Variants in NUAK1 observed in about 807,000 individuals in gnomAD.
The protein encoded by NUAK1 is NUAK family kinase 1, also known as NUAK family SNF1-like kinase 1.
NUAK1 carries 26 observed loss-of-function variants against 56.9 expected under a neutral mutation model. That is an observed-to-expected ratio of 0.46 (90% CI 0.33 to 0.63). NUAK1 has a LOEUF of 0.63. NUAK1 is among the 30% of genes least tolerant of loss of function. The probability of loss-of-function intolerance (pLI) is 0.02; values close to 1 mark genes in which losing one functional copy is unlikely to be tolerated. For missense variants in NUAK1, 727 were observed against 876.1 expected (o/e 0.83, Z 2.15); for synonymous variants, 337 against 336.0 (o/e 1.00, Z -0.03).
chr12:106,112,842 C>T (rs7303616), intron 1 of NUAK1, among the ~76,000 whole-genome samples: 37,158 of 152,102 alleles, frequency 0.24, 7,645 homozygotes, highest in African/African-American at 0.57. Context: ...AGTGGCATCC[C>T]CTCACTGGCC....
At chr12:106,136,106 C>T (rs2033127029) in intron 1 of NUAK1, among the ~76,000 whole-genome samples, 1 of 152,132 alleles carries the variant, frequency 6.6e-6, no homozygotes, top group Admixed American at 6.5e-5. Flanking sequence ...AGGTTTTTAC[C>T]CAGGGATCTG....
In NUAK1 at chr12:106,122,719, C is replaced by T. The variant is rs79914671; in HGVS notation, c.240+15695G>A. ...CAAAATAAAGACCATGGACTTCCCC[C>T]ATCACATTCACTTGAGTTGCTTGGT... On this transcript the variant is annotated intron_variant, in intron 1 of 6. Transcript: ENST00000261402. Among the ~76,000 whole-genome samples, 65 of 152,322 alleles carry T rather than the reference C, an allele frequency of 4.3e-4. No individual in the cohort carries two copies. The East Asian group carries it at 8.7e-3, about 20-fold the overall frequency.
At chr12:106,071,014 G>T in intron 5 of NUAK1, 108 bp from the exon 6 acceptor site, 3 of 1,187,452 alleles carry the variant, frequency 2.5e-6, no homozygotes, top group East Asian at 2.5e-5. Context: ...GCAGCCCCAG[G>T]AACTGAATTT....
chr12:106,120,815 C>T (rs1014804645), intron 1 of NUAK1, among the ~76,000 whole-genome samples: 3 of 152,256 alleles, frequency 2.0e-5, no homozygotes, highest in East Asian at 3.9e-4. Flanking sequence ...CCCACAGGGG[C>T]GAGGATGGAG....
intron 2 of NUAK1, among the ~76,000 whole-genome samples, chr12:106,100,883 T>C (rs1410502304): frequency 3.9e-5 from 6 of 152,234 alleles, no homozygotes; most frequent in Admixed American, 6.5e-5. Context: ...CATAAAGATC[T>C]TTGCTAAAGA....
Position 106,064,388 on chromosome 12 carries a change from A to C in NUAK1, c.*2414T>G, listed in dbSNP as rs1331926110. The C allele has an allele frequency of 6.6e-6, 1 of 152,184 alleles. No individual in the cohort carries two copies. The highest frequency in any genetic ancestry group is 1.5e-5 in the Non-Finnish European group (1 of 68,042). The allele number at this position is 152,184 out of a possible 1,614,324, so 9.4% of individuals were successfully genotyped here. A position where few individuals can be genotyped will look rare whatever the true frequency, so the allele number is the denominator to read the frequency against. On this transcript the variant is annotated 3_prime_UTR_variant, in exon 7 of 7. Transcript: ENST00000261402. ...AAGGAAAACTTAACCCCTGCAAACA[A>C]TGCAGATGCCTAAGGCCACCTATGA...
chr12:106,135,503 C>T (rs1261438910), intron 1 of NUAK1, among the ~76,000 whole-genome samples: 1 of 152,176 alleles, frequency 6.6e-6, no homozygotes, highest in Non-Finnish European at 1.5e-5. Context: ...ACCATCACAT[C>T]CTCATTTTTT....
chr12:106,068,067 A>G, intron 6 of NUAK1, 112 bp from the exon 7 acceptor site: 3 of 1,033,482 alleles, frequency 2.9e-6, no homozygotes, highest in South Asian at 1.8e-5. Context: ...GGACAAATCC[A>G]TCTGGAGACC....
intron 2 of NUAK1, among the ~76,000 whole-genome samples, chr12:106,089,635 A>T (rs1431346227): frequency 6.6e-6 from 1 of 152,096 alleles, no homozygotes; most frequent in African/African-American, 2.4e-5. Context: ...CAAAAATATA[A>T]AAAATTAGCC....
chr12:106,075,562 T>C (rs2032455615), intron 4 of NUAK1, among the ~76,000 whole-genome samples: 1 of 152,184 alleles, frequency 6.6e-6, no homozygotes, highest in South Asian at 2.1e-4. Flanking sequence ...ACAACAGTAA[T>C]TGGCCCAGAG....
intron 1 of NUAK1, among the ~76,000 whole-genome samples, chr12:106,132,999 T>C (rs956382674): frequency 6.6e-6 from 1 of 152,192 alleles, no homozygotes; most frequent in East Asian, 1.9e-4. Flanking sequence ...ATCTAGAAAA[T>C]GGGATGATAG....
intron 2 of NUAK1, among the ~76,000 whole-genome samples, chr12:106,095,814 G>A (rs2032691086): frequency 6.6e-6 from 1 of 152,206 alleles, no homozygotes; most frequent in African/African-American, 2.4e-5. Flanking sequence ...AAAAGCTGAG[G>A]TGAAGGCAAG....
chr12:106,119,311 G>C (rs1029434820), intron 1 of NUAK1, among the ~76,000 whole-genome samples: 4 of 150,998 alleles, frequency 2.6e-5, no homozygotes, highest in African/African-American at 9.7e-5. Context: ...CATCCTAACT[G>C]AGTGACCCCG....
chr12:106,087,160 C>T (rs1210613738), intron 2 of NUAK1, among the ~76,000 whole-genome samples: 2 of 152,210 alleles, frequency 1.3e-5, no homozygotes, highest in Admixed American at 1.3e-4. Context: ...CTTTCCTTGT[C>T]AAGATCATTT....
At chr12:106,111,258 CA>C (rs2032856087) in intron 1 of NUAK1, among the ~76,000 whole-genome samples, 1 of 152,144 alleles carries the variant, frequency 6.6e-6, no homozygotes, top group Non-Finnish European at 1.5e-5. Context: ...GAGCCCACAG[CA>C]AATCATATCA....
intron 1 of NUAK1, among the ~76,000 whole-genome samples, chr12:106,120,943 A>C (rs2032968003): frequency 6.6e-6 from 1 of 152,202 alleles, no homozygotes; most frequent in Non-Finnish European, 1.5e-5. Context: ...AGTGGCTCTC[A>C]GCCCTAGCAG....
chr12:106,112,415 G>A (rs907792859), intron 1 of NUAK1, among the ~76,000 whole-genome samples: 6 of 151,518 alleles, frequency 4.0e-5, no homozygotes, highest in African/African-American at 1.5e-4. Context: ...CAGAGTGTGG[G>A]GCAAGGCACA....
At position 106,083,850 on chromosome 12, in the gene NUAK1, C is replaced by A. The variant is rs575511914; in HGVS notation, c.579+14G>T. ...CCAGGCCCTGCATATCAATCGACGA[C>A]GCAAGGGCTTTACCTTAATATTGCA... is the stretch of plus-strand genomic sequence containing the variant. On this transcript the variant is annotated intron_variant, in intron 4 of 6. Coordinates refer to ENST00000261402, the MANE Select transcript of NUAK1 (RefSeq NM_014840.3). 6.2e-7 allele frequency: 1 copy of A among 1,613,240 alleles called. No homozygotes were observed.
chr12:106,075,286 A>AACACACAC (rs370123170), intron 4 of NUAK1, among the ~76,000 whole-genome samples: 14,092 of 133,558 alleles, frequency 0.11, 783 homozygotes, highest in Non-Finnish European at 0.12. Context: ...AGTATTAATC[A>AACACACAC]ACACACACAC....
Sources: gnomAD v4.1 joint callset for allele counts (sites outside exome capture counted in the v4.1 genomes callset) on GRCh38, gnomAD v4.1.1 for gene constraint, MANE v1.5 for transcripts, NCBI Gene and HGNC (gene_info 2026-07-23, HGNC 2026-07-21) for gene names.